The following LMX1B variants were observed in gnomAD, a reference collection of about 807,000 sequenced individuals.
LMX1B encodes LIM homeobox transcription factor 1 beta, also known as LIM homeobox transcription factor 1-beta.
A neutral mutation model predicts 51.4 loss-of-function variants in LMX1B; 12 were observed. That is an observed-to-expected ratio of 0.23 (90% CI 0.15 to 0.38). LMX1B has a LOEUF of 0.38. LMX1B is among the 10% of genes least tolerant of loss of function. The probability of loss-of-function intolerance (pLI) is 1.00; values close to 1 mark genes in which losing one functional copy is unlikely to be tolerated. For synonymous variants in LMX1B, 237 were observed against 235.4 expected, an observed-to-expected ratio of 1.01 and a Z score of -0.06; for missense variants, 445 against 571.1, an observed-to-expected ratio of 0.78 and a Z score of 2.25.
At chr9:126,660,915 G>A (rs1235782255) in intron 2 of LMX1B, among the ~76,000 whole-genome samples, 1 of 152,188 alleles carries the variant, frequency 6.6e-6, no homozygotes, top group Non-Finnish European at 1.5e-5. Context: ...GCCATGATAG[G>A]GGACCCACAG....
In LMX1B at chr9:126,696,478, G is replaced by A. The variant is rs10115373; in HGVS notation, c.*27G>A. ...AGCCAGCCAGGCGCACGGACGCTTG[G>A]GCAGGGGCCTGGGGGGGACTGCCAG... On this transcript the variant is annotated 3_prime_UTR_variant, in exon 8 of 8. Transcript: ENST00000373474. 21,086 of 1,613,200 alleles carry A rather than the reference G, an allele frequency of 0.013. 2,422 individuals carry two copies. The African/African-American group carries it at 0.25, about 19-fold the overall frequency.
chr9:126,631,575 G>T (rs1050171948), intron 2 of LMX1B, among the ~76,000 whole-genome samples: 1 of 152,040 alleles, frequency 6.6e-6, no homozygotes. Context: ...GGTGGGTGGG[G>T]TGAGGTGGGG....
intron 2 of LMX1B, among the ~76,000 whole-genome samples, chr9:126,636,686 C>T (rs927421762): frequency 2.0e-5 from 3 of 152,136 alleles, no homozygotes; most frequent in Admixed American, 1.3e-4. Flanking sequence ...TGCAAGTACA[C>T]GTGTGCGTAG....
chr9:126,622,489 G>A (rs1274072592), intron 2 of LMX1B, among the ~76,000 whole-genome samples: 1 of 152,172 alleles, frequency 6.6e-6, no homozygotes, highest in Admixed American at 6.5e-5. Context: ...ACACAGGGCC[G>A]CCAGGGGTCC....
At chr9:126,686,183 G>A (rs1836763419) in intron 2 of LMX1B, among the ~76,000 whole-genome samples, 1 of 151,174 alleles carries the variant, frequency 6.6e-6, no homozygotes, top group African/African-American at 2.4e-5. Context: ...GGGAGGCTGA[G>A]GCAGGAGAAC....
intron 2 of LMX1B, among the ~76,000 whole-genome samples, chr9:126,688,259 C>T (rs377745054): frequency 6.6e-6 from 1 of 152,240 alleles, no homozygotes; most frequent in Non-Finnish European, 1.5e-5. Context: ...AAGGCATTAG[C>T]GCGGCTGTTC....
At chr9:126,685,142 C>G (rs1234092961) in intron 2 of LMX1B, among the ~76,000 whole-genome samples, 1 of 152,076 alleles carries the variant, frequency 6.6e-6, no homozygotes, top group African/African-American at 2.4e-5. Context: ...TCAGGGAAGG[C>G]TTCACAGAGG....
In LMX1B at chr9:126,652,918, G is replaced by A. The variant is rs1032855845; in HGVS notation, c.326+37349G>A. 4.6e-5 allele frequency among the ~76,000 whole-genome samples: 7 copies of A among 152,186 alleles called. 1 individual carries two copies. Among genetic ancestry groups the A allele is most frequent in the African/African-American group, 1.4e-4 (6 of 41,436 alleles). On this transcript the variant is annotated intron_variant, in intron 2 of 7. Transcript: ENST00000373474. ...GTTGATGGAGAAGAAAAGAGCCTGT[G>A]GAGAGGCCAAGGCACGGGCCAGATC...
chr9:126,643,202 C>A (rs1205713291), intron 2 of LMX1B, among the ~76,000 whole-genome samples: 1 of 152,160 alleles, frequency 6.6e-6, no homozygotes, highest in Non-Finnish European at 1.5e-5. Context: ...GCTGGATCAG[C>A]TCTCAGTAAC....
In LMX1B at chr9:126,671,430, G is replaced by A. The variant is rs1025493711; in HGVS notation, c.327-19406G>A. ...GCCCCTGGCCTGGCCAGCCAGGGCC[G>A]AGGGGCCCATCTTTGTTCCGAGCAG... On this transcript the variant is annotated intron_variant, in intron 2 of 7. Transcript: ENST00000373474. This position sits in a 1 kb window ranked among gnomAD's most constrained non-coding sequence, Gnocchi z 4.4. 7.9e-5 allele frequency among the ~76,000 whole-genome samples: 12 copies of A among 151,940 alleles called. No individual in the cohort carries two copies. The highest frequency in any genetic ancestry group is 1.8e-4 in the Non-Finnish European group (12 of 67,982).
chr9:126,637,914 CT>C lies in LMX1B; in HGVS notation c.326+22346del, dbSNP rs1835742330. On this transcript the variant is annotated intron_variant, in intron 2 of 7. Coordinates refer to ENST00000373474, the MANE Select transcript of LMX1B (RefSeq NM_001174147.2). ...CTCAGGAACTTGGCCCTGCTGTAGCCTCAGGGCCAAAGGGATGGACACCCAG... is the reference window on the plus strand; with the variant it reads ...CTCAGGAACTTGGCCCTGCTGTAGCCCAGGGCCAAAGGGATGGACACCCAG... 2.0e-5 allele frequency among the ~76,000 whole-genome samples: 3 copies of C among 149,906 alleles called. No individual in the cohort carries two copies. The Admixed American group carries it at 2.0e-4, about 10-fold the overall frequency.
At chr9:126,617,917 G>A (rs1411872775) in intron 2 of LMX1B, among the ~76,000 whole-genome samples, 2 of 100,564 alleles carry the variant, frequency 2.0e-5, no homozygotes, top group Non-Finnish European at 3.7e-5. Flanking sequence ...GGGGTGGGGG[G>A]TGGGGGGTGG....
intron 2 of LMX1B, among the ~76,000 whole-genome samples, chr9:126,623,454 CTG>C (rs1835454838): frequency 6.6e-6 from 1 of 152,218 alleles, no homozygotes; most frequent in Non-Finnish European, 1.5e-5. Flanking sequence ...AGTTCACTGT[CTG>C]TACCGTCCCA....
chr9:126,653,329 A>AT (rs1564155927), intron 2 of LMX1B, among the ~76,000 whole-genome samples: 1 of 151,156 alleles, frequency 6.6e-6, no homozygotes, highest in Non-Finnish European at 1.5e-5. Flanking sequence ...AATTTTTTGT[A>AT]TTTTTTTGTA....
At chr9:126,670,571 C>T (rs1312830384) in intron 2 of LMX1B, among the ~76,000 whole-genome samples, 1 of 152,174 alleles carries the variant, frequency 6.6e-6, no homozygotes, top group Non-Finnish European at 1.5e-5. Context: ...CTTGAGTACA[C>T]GTATGCACAC....
intron 2 of LMX1B, among the ~76,000 whole-genome samples, chr9:126,616,430 A>G (rs1461367374): frequency 2.6e-5 from 4 of 152,246 alleles, no homozygotes; most frequent in Non-Finnish European, 5.9e-5. Flanking sequence ...ACAACAGGAC[A>G]TGCAGGCTTT....
intron 2 of LMX1B, among the ~76,000 whole-genome samples, chr9:126,624,286 C>T (rs1835477838): frequency 6.6e-6 from 1 of 152,170 alleles, no homozygotes; most frequent in Non-Finnish European, 1.5e-5. Context: ...CTTACGCGGT[C>T]CAGAAAGAGC....
chr9:126,700,407 C>T lies in LMX1B; in HGVS notation c.*3956C>T, dbSNP rs1414152983. On this transcript the variant is annotated 3_prime_UTR_variant, in exon 8 of 8. Transcript: ENST00000373474. ...GCAAGAGGCTGATTCCCCACTCTGC[C>T]CCCATCTGAATGTCCTTTTCATGTT... is the stretch of plus-strand genomic sequence containing the variant. 1 of 152,264 alleles carries T rather than the reference C, an allele frequency of 6.6e-6. No individual in the cohort carries two copies. The highest frequency in any genetic ancestry group is 1.5e-5 in the Non-Finnish European group (1 of 68,096). The allele number at this position is 152,264 out of a possible 1,614,324, so 9.4% of individuals were successfully genotyped here.
intron 2 of LMX1B, among the ~76,000 whole-genome samples, chr9:126,659,643 T>C (rs984531513): frequency 2.6e-5 from 4 of 151,912 alleles, no homozygotes; most frequent in African/African-American, 9.7e-5. Flanking sequence ...GTGTCTATAC[T>C]AGCCTTAGAG....
Sources: gnomAD v4.1 joint callset for allele counts (sites outside exome capture counted in the v4.1 genomes callset) on GRCh38, gnomAD v4.1.1 for gene constraint, Gnocchi (gnomAD v3.1) non-coding constraint, MANE v1.5 for transcripts, NCBI Gene and HGNC (gene_info 2026-07-23, HGNC 2026-07-21) for gene names.